KIF15: variants seen among roughly 807,000 people sequenced by gnomAD.
KIF15 encodes the protein kinesin-like protein KIF15.
Under a neutral mutation model 190.6 loss-of-function variants are expected in KIF15, and 140 were observed. That is an observed-to-expected ratio of 0.73 (90% CI 0.64 to 0.84). The LOEUF (loss-of-function observed/expected upper bound fraction) is 0.84. Ranked by LOEUF, KIF15 falls within the 40% of genes least tolerant of loss-of-function variation. The pLI, the probability that KIF15 is intolerant of heterozygous loss-of-function variation, is 0.00. For synonymous variants in KIF15, 528 were observed against 551.3 expected (o/e 0.96, Z 0.59); for missense variants, 1,372 against 1,584.4 (o/e 0.87, Z 2.28).
chr3:44,807,455 C>T (rs1340779932), intron 16 of KIF15, among the ~76,000 whole-genome samples: 2 of 152,220 alleles, frequency 1.3e-5, no homozygotes, highest in Non-Finnish European at 2.9e-5. Context: ...GAACTCCTGA[C>T]CTCAGGTGAT....
chr3:44,819,340 G>A (rs777641884), intron 20 of KIF15, among the ~76,000 whole-genome samples: 1 of 152,070 alleles, frequency 6.6e-6, no homozygotes, highest in Admixed American at 6.6e-5. Context: ...TGATGTTAGG[G>A]TGTCGATTTT....
rs551345483 is a variant in KIF15 at position 44,844,836 on chromosome 3, C to A, written c.3695+1602C>A. 2.1e-4 allele frequency among the ~76,000 whole-genome samples: 32 copies of A among 152,246 alleles called. No individual in the cohort carries two copies. The South Asian group carries it at 2.5e-3, about 12-fold the overall frequency. On this transcript the variant is annotated intron_variant, in intron 30 of 34. Coordinates refer to ENST00000326047, the MANE Select transcript of KIF15 (RefSeq NM_020242.3). ...GGCCTTTGGTTTTTCACAGATGGCA[C>A]TGTGGAGGAGATGGATGCAGCCGTA... is the stretch of plus-strand genomic sequence containing the variant.
At chr3:44,854,439 T>C (rs1575698096), downstream of KIF15, among the ~76,000 whole-genome samples, 1 of 148,118 alleles carries the variant, frequency 6.8e-6, no homozygotes, top group Non-Finnish European at 1.5e-5. Flanking sequence ...CAGGAAAAAA[T>C]TGTAATGCAT....
intron 7 of KIF15, among the ~76,000 whole-genome samples, chr3:44,791,634 G>A (rs1406252947): frequency 6.6e-6 from 1 of 152,120 alleles, no homozygotes; most frequent in Non-Finnish European, 1.5e-5. Flanking sequence ...TTTGATTTTT[G>A]TAGAAGTATT....
intron 3 of KIF15, among the ~76,000 whole-genome samples, chr3:44,776,858 C>G (rs1244477643): frequency 6.6e-6 from 1 of 152,156 alleles, no homozygotes; most frequent in Non-Finnish European, 1.5e-5. Flanking sequence ...CTCAGATGCA[C>G]TAGTCACATG....
chr3:44,859,429 C>T (rs544088306), intron 6 of KIF15, among the ~76,000 whole-genome samples: 156 of 152,206 alleles, frequency 1.0e-3, no homozygotes, highest in African/African-American at 3.7e-3. Flanking sequence ...CTTTGGGAGG[C>T]CAAGGTGGGT....
intron 1 of KIF15, among the ~76,000 whole-genome samples, chr3:44,769,248 G>T (rs1185982448): frequency 2.0e-5 from 3 of 152,138 alleles, no homozygotes; most frequent in Non-Finnish European, 4.4e-5. Flanking sequence ...AGGGGTTCAG[G>T]ATGTATTCAA....
In KIF15 at chr3:44,813,189, T is replaced by C; in HGVS notation, c.2383+9T>C. 1 of 1,495,836 alleles carries C rather than the reference T, an allele frequency of 6.7e-7. No individual in the cohort carries two copies. The highest frequency in any genetic ancestry group is 1.4e-5 in the African/African-American group (1 of 71,582). The allele number at this position is 1,495,836 out of a possible 1,614,324, so 92.7% of individuals were successfully genotyped here. On this transcript the variant is annotated intron_variant, in intron 19 of 34. Transcript: ENST00000326047. ...TCAAACTAAAAATGACTGTAAGTTA[T>C]TCTATCAGGAGCTTTGTGACTTGAA...
At chr3:44,859,393 G>C (rs561872396) in intron 6 of KIF15, among the ~76,000 whole-genome samples, 1 of 152,128 alleles carries the variant, frequency 6.6e-6, no homozygotes, top group Non-Finnish European at 1.5e-5. Flanking sequence ...GCTTGGGTGC[G>C]GTGGCTCATG....
intron 20 of KIF15, among the ~76,000 whole-genome samples, chr3:44,818,412 G>A (rs1469556671): frequency 2.6e-5 from 4 of 152,120 alleles, no homozygotes; most frequent in East Asian, 3.8e-4. Flanking sequence ...TTTGAGATAC[G>A]TTCCATCAAT....
chr3:44,864,981 G>A, intron 6 of KIF15: 1 of 1,604,840 alleles, frequency 6.2e-7, no homozygotes, highest in Non-Finnish European at 8.5e-7. Flanking sequence ...AGTCCCAGGA[G>A]AGTGAGGTTG....
At chr3:44,816,501 T>C (rs761236961) in intron 20 of KIF15, among the ~76,000 whole-genome samples, 8 of 152,086 alleles carry the variant, frequency 5.3e-5, no homozygotes, top group Non-Finnish European at 1.0e-4. Flanking sequence ...TTTGGTGTTC[T>C]GTCCTTGTGA....
At chr3:44,811,083 C>A in intron 17 of KIF15, 40 bp downstream of exon 17, 2 of 1,384,632 alleles carry the variant, frequency 1.4e-6, no homozygotes, top group Non-Finnish European at 2.0e-6. Context: ...ACTGGACATC[C>A]ATTTAAATAC....
At chr3:44,820,913 C>T (rs1304311533) in intron 20 of KIF15, among the ~76,000 whole-genome samples, 1 of 152,096 alleles carries the variant, frequency 6.6e-6, no homozygotes, top group Admixed American at 6.5e-5. Context: ...CTCCTCACCT[C>T]CCAGTAGGGG....
intron 29 of KIF15, among the ~76,000 whole-genome samples, 167 bp downstream of exon 29, chr3:44,841,405 G>GTT (rs540248900): frequency 7.3e-6 from 1 of 136,824 alleles, no homozygotes. Flanking sequence ...TTTTTTTTTT[G>GTT]TTTTTTTTTT....
At chr3:44,865,617 C>A (rs1284341271) in intron 6 of KIF15, 1 of 166,098 alleles carries the variant, frequency 6.0e-6, no homozygotes, top group Non-Finnish European at 1.3e-5. Context: ...TGTATTATGG[C>A]AAGAAGAGGA....
At chr3:44,841,956 C>T (rs1193857828) in intron 29 of KIF15, among the ~76,000 whole-genome samples, 2 of 152,208 alleles carry the variant, frequency 1.3e-5, no homozygotes, top group Non-Finnish European at 2.9e-5. Flanking sequence ...GTTGCGCCAG[C>T]TATGCTCTCA....
At chr3:44,827,406 T>C in intron 22 of KIF15, 53 bp from the exon 23 acceptor site, 1 of 1,258,364 alleles carries the variant, frequency 7.9e-7, no homozygotes, top group Non-Finnish European at 1.2e-6. Flanking sequence ...ACAGATTCAG[T>C]TCCTGTTTTC....
At chr3:44,830,731 T>G (rs560254340) in intron 25 of KIF15, among the ~76,000 whole-genome samples, 165 bp from the exon 26 acceptor site, 1 of 152,348 alleles carries the variant, frequency 6.6e-6, no homozygotes, top group East Asian at 1.9e-4. Context: ...TCCATTTCTC[T>G]TCACCATTCA....
Sources: gnomAD v4.1 joint callset for allele counts (sites outside exome capture counted in the v4.1 genomes callset) on GRCh38, gnomAD v4.1.1 for gene constraint, MANE v1.5 for transcripts, NCBI Gene and HGNC (gene_info 2026-07-23, HGNC 2026-07-21) for gene names.